The following CAMK4 variants were observed in gnomAD, a reference collection of about 807,000 sequenced individuals.
The protein encoded by CAMK4 is calcium/calmodulin dependent protein kinase IV.
In CAMK4, 22 loss-of-function variants were observed where a neutral mutation model predicts 44.9. That is an observed-to-expected ratio of 0.49 (90% confidence interval 0.35 to 0.70). The LOEUF is 0.70. Among genes scored for constraint, CAMK4 ranks in the 30% least tolerant of loss-of-function variants. CAMK4 has a pLI of 0.01. For missense variants in CAMK4, 498 were observed against 586.8 expected, an observed-to-expected ratio of 0.85 and a Z score of 1.56; for synonymous variants, 218 against 215.4, an observed-to-expected ratio of 1.01 and a Z score of -0.11.
At chr5:111,461,561 C>CAGCTGCCTCTGCCGCCG (rs1754642953) in intron 7 of CAMK4, among the ~76,000 whole-genome samples, 1 of 151,894 alleles carries the variant, frequency 6.6e-6, no homozygotes, top group Non-Finnish European at 1.5e-5. Context: ...TGCTGCCGCC[C>CAGCTGCCTCTGCCGCCG]ATAGGCAGCT....
chr5:111,243,351 A>G (rs1398644538), intron 1 of CAMK4, among the ~76,000 whole-genome samples: 1 of 152,182 alleles, frequency 6.6e-6, no homozygotes, highest in Non-Finnish European at 1.5e-5. Flanking sequence ...AGGATGAGGA[A>G]CTTGATCAGA....
chr5:111,270,972 T>C (rs767912337), intron 1 of CAMK4, among the ~76,000 whole-genome samples: 1 of 152,160 alleles, frequency 6.6e-6, no homozygotes, highest in Non-Finnish European at 1.5e-5. Context: ...TGGCACCTTC[T>C]TCACAAGGCG....
intron 5 of CAMK4, among the ~76,000 whole-genome samples, chr5:111,420,826 CT>C (rs1753000167): frequency 1.3e-5 from 2 of 152,342 alleles, no homozygotes; most frequent in African/African-American, 2.4e-5. Context: ...CTCTTATTCC[CT>C]GAACAATTGC....
intron 5 of CAMK4, among the ~76,000 whole-genome samples, chr5:111,408,752 G>A (rs868429939): frequency 1.3e-5 from 2 of 152,196 alleles, no homozygotes. Context: ...TTACTTCCTA[G>A]ATACAGTGGG....
intron 1 of CAMK4, among the ~76,000 whole-genome samples, chr5:111,309,031 T>A (rs1459690244): frequency 6.6e-6 from 1 of 152,196 alleles, no homozygotes; most frequent in East Asian, 1.9e-4. Context: ...GTGGTCGAGA[T>A]GTGAGTGAAT....
chr5:111,359,411 T>G (rs7726318), intron 2 of CAMK4, among the ~76,000 whole-genome samples: 12,850 of 33,112 alleles, frequency 0.39, 6,285 homozygotes, highest in African/African-American at 0.86. Flanking sequence ...TTTTAATGGG[T>G]TTTTTTGTTT....
chr5:111,263,044 T>G (rs1413884117), intron 1 of CAMK4, among the ~76,000 whole-genome samples: 1 of 152,202 alleles, frequency 6.6e-6, no homozygotes, highest in Non-Finnish European at 1.5e-5. Context: ...TGAATCATAC[T>G]AAGCCAGAGG....
intron 4 of CAMK4, among the ~76,000 whole-genome samples, chr5:111,393,756 T>C (rs1751896247): frequency 6.6e-6 from 1 of 151,812 alleles, no homozygotes. Flanking sequence ...TCAGGAAAAA[T>C]AACTTATGGG....
intron 1 of CAMK4, among the ~76,000 whole-genome samples, chr5:111,331,322 G>C (rs896713218): frequency 1.3e-5 from 2 of 151,580 alleles, no homozygotes; most frequent in African/African-American, 4.8e-5. Flanking sequence ...TTACATATAA[G>C]TCCCTGCAAA....
chr5:111,250,524 T>C (rs1749439431), intron 1 of CAMK4, among the ~76,000 whole-genome samples: 1 of 152,212 alleles, frequency 6.6e-6, no homozygotes, highest in Non-Finnish European at 1.5e-5. Flanking sequence ...ACTTTGTATT[T>C]CTAGAAGAAT....
chr5:111,487,350 C>A lies in CAMK4; in HGVS notation c.*2884C>A, dbSNP rs1356885513. On this transcript the variant is annotated 3_prime_UTR_variant, in exon 11 of 11. Coordinates refer to ENST00000282356, the MANE Select transcript of CAMK4 (RefSeq NM_001744.6). Reference sequence around the variant, plus strand: ...TTTTTTTATAACCATGAAGGACAGTCTTGAATTATTTCCCCCATTAACAAA... The same window carrying A: ...TTTTTTTATAACCATGAAGGACAGTATTGAATTATTTCCCCCATTAACAAA... 1 of 152,034 alleles carries A rather than the reference C, an allele frequency of 6.6e-6. No individual in the cohort carries two copies. The highest frequency in any genetic ancestry group is 2.4e-5 in the African/African-American group (1 of 41,384). The allele number at this position is 152,034 out of a possible 1,614,324, so 9.4% of individuals were successfully genotyped here.
chr5:111,350,992 A>C (rs1335388627), intron 2 of CAMK4, among the ~76,000 whole-genome samples: 2 of 152,112 alleles, frequency 1.3e-5, no homozygotes, highest in African/African-American at 4.8e-5. Context: ...GGATGTCTCC[A>C]TTAGAGATTT....
chr5:111,457,662 C>A (rs911229455), intron 7 of CAMK4, among the ~76,000 whole-genome samples: 3 of 152,178 alleles, frequency 2.0e-5, no homozygotes, highest in Non-Finnish European at 2.9e-5. Flanking sequence ...GCTACATTTT[C>A]TCTAACATGA....
intron 5 of CAMK4, among the ~76,000 whole-genome samples, chr5:111,409,966 C>A (rs1752573547): frequency 6.6e-6 from 1 of 152,162 alleles, no homozygotes; most frequent in African/African-American, 2.4e-5. Flanking sequence ...ATCTTCCTGT[C>A]TTCTTCTGAG....
At chr5:111,321,322 T>C (rs1748652754) in intron 1 of CAMK4, among the ~76,000 whole-genome samples, 1 of 152,112 alleles carries the variant, frequency 6.6e-6, no homozygotes, top group Admixed American at 6.6e-5. Flanking sequence ...TTTGGTGAAA[T>C]CTCCCAATTT....
chr5:111,244,286 GAT>G (rs1749136535), intron 1 of CAMK4, among the ~76,000 whole-genome samples: 1 of 151,680 alleles, frequency 6.6e-6, no homozygotes, highest in Admixed American at 6.6e-5. Flanking sequence ...TTTTGCAGAG[GAT>G]ATGTCTTAAA....
intron 4 of CAMK4, among the ~76,000 whole-genome samples, chr5:111,379,752 G>C (rs1233334117): frequency 6.6e-6 from 1 of 151,880 alleles, no homozygotes; most frequent in Non-Finnish European, 1.5e-5. Context: ...ATGAACTAGG[G>C]GAGTAATTGC....
intron 6 of CAMK4, among the ~76,000 whole-genome samples, chr5:111,447,788 A>T (rs1754081323): frequency 6.6e-6 from 1 of 152,208 alleles, no homozygotes; most frequent in African/African-American, 2.4e-5. Context: ...AGCTCAGATA[A>T]CATAATGTGC....
intron 1 of CAMK4, among the ~76,000 whole-genome samples, chr5:111,253,996 C>A (rs1045667974): frequency 5.9e-5 from 9 of 152,078 alleles, no homozygotes; most frequent in South Asian, 2.1e-4. Context: ...TTTCAGAAAT[C>A]TTTTTGTGTG....
Sources: allele counts gnomAD v4.1 joint callset (sites outside exome capture counted in the v4.1 genomes callset), GRCh38; gene constraint gnomAD v4.1.1; transcripts MANE v1.5; gene names NCBI Gene and HGNC (gene_info 2026-07-23, HGNC 2026-07-21).